Variants in MTCL1 observed in about 807,000 individuals in gnomAD.
The protein encoded by MTCL1 is microtubule cross-linking factor 1.
Under a neutral mutation model 141.4 loss-of-function variants are expected in MTCL1, and 79 were observed. That is an observed-to-expected ratio of 0.56 (90% CI 0.47 to 0.67). The LOEUF (loss-of-function observed/expected upper bound fraction) is 0.67. MTCL1 is among the 30% of genes least tolerant of loss of function. MTCL1 has a pLI of 0.00. For synonymous variants in MTCL1, 914 were observed against 875.8 expected, an observed-to-expected ratio of 1.04 and a Z score of -0.77; for missense variants, 2,177 against 2,113.9, an observed-to-expected ratio of 1.03 and a Z score of -0.59.
chr18:8,796,190 G>T, intron 8 of MTCL1, 42 bp from the exon 8 acceptor site: 1 of 1,602,458 alleles, frequency 6.2e-7, no homozygotes, highest in Non-Finnish European at 8.5e-7. Context: ...GTGGCGGATT[G>T]GATTAGCTGC....
intron 16 of MTCL1, chr18:8,831,121 G>A: frequency 2.0e-6 from 2 of 987,536 alleles, no homozygotes; most frequent in Non-Finnish European, 2.4e-6. Flanking sequence ...TAAGACGACT[G>A]CCATTGCTAA....
exon 15 of MTCL1, chr18:8,824,782 C>T (rs770930820): frequency 1.2e-6 from 2 of 1,614,156 alleles, no homozygotes; most frequent in South Asian, 1.1e-5. Context: ...CTGCCGTCCA[C>T]CAGCAGCAAG....
Position 8,771,063 on chromosome 18 carries a change from G to A in MTCL1, c.358-6770G>A, listed in dbSNP as rs186677112. 1.0e-3 allele frequency among the ~76,000 whole-genome samples: 157 copies of A among 152,310 alleles called. 2 individuals carry two copies. Among genetic ancestry groups the A allele is most frequent in the African/African-American group, 3.7e-3 (152 of 41,560 alleles). On this transcript the variant is annotated intron_variant, in intron 4 of 16. Coordinates refer to ENST00000359865, the Ensembl canonical transcript of MTCL1. ...ATCTTCCAGCCAGGACATAGTGCCC[G>A]TGGCTGAACGAGAGGCTAATTAATT...
At chr18:8,740,959 A>T (rs2096299828) in intron 4 of MTCL1, among the ~76,000 whole-genome samples, 1 of 152,234 alleles carries the variant, frequency 6.6e-6, no homozygotes. Flanking sequence ...ACACCAGATC[A>T]GATCTTTTGC....
rs1057108723 is a variant in MTCL1, at chr18:8,810,888, G to A, written c.2605-2091G>A. On this transcript the variant is annotated intron_variant, in intron 11 of 16. Transcript: ENST00000359865. This position sits in a 1 kb window ranked among gnomAD's most constrained non-coding sequence, Gnocchi z 5.0. ...CTTTCCCTGCTTTCTCTCCAAGCAG[G>A]CCTGAGTTCCACTAAGATTCAGGGA... 6.6e-6 allele frequency among the ~76,000 whole-genome samples: 1 copy of A among 151,166 alleles called. No individual in the cohort carries two copies. The highest frequency in any genetic ancestry group is 2.4e-5 in the African/African-American group (1 of 41,380).
intron 11 of MTCL1, among the ~76,000 whole-genome samples, chr18:8,807,506 C>G (rs1410598347): frequency 6.6e-6 from 1 of 152,148 alleles, no homozygotes; most frequent in Non-Finnish European, 1.5e-5. Flanking sequence ...ACTGCATGCC[C>G]AAGAATTCTA....
At chr18:8,705,606 C>CCGCCGT (rs1555621427), upstream of MTCL1, 200 of 1,198,814 alleles carry the variant, frequency 1.7e-4, 2 homozygotes, top group African/African-American at 3.0e-3. The surrounding 1 kb of genome is among the most constrained non-coding windows in gnomAD (Gnocchi z 5.2). Context: ...GCCGCCGCCG[C>CCGCCGT]CGCCGTCGTC....
At chr18:8,715,259 A>G (rs919457451), upstream of MTCL1, among the ~76,000 whole-genome samples, 2 of 152,338 alleles carry the variant, frequency 1.3e-5, no homozygotes, top group Middle Eastern at 3.4e-3. Flanking sequence ...ATTTAACATT[A>G]GGGTGGATGT....
chr18:8,824,773 T>C, exon 15 of MTCL1: 1 of 1,614,154 alleles, frequency 6.2e-7, no homozygotes, highest in Non-Finnish European at 8.5e-7. Flanking sequence ...GAGAAGGGCC[T>C]GCCGTCCACC....
At chr18:8,751,722 G>C (rs1033305735) in intron 4 of MTCL1, among the ~76,000 whole-genome samples, 2 of 152,214 alleles carry the variant, frequency 1.3e-5, no homozygotes, top group African/African-American at 4.8e-5. Flanking sequence ...GAGGTTGGCT[G>C]CTGTTGCAGA....
At chr18:8,740,855 G>A (rs745906817) in intron 4 of MTCL1, among the ~76,000 whole-genome samples, 20 of 152,198 alleles carry the variant, frequency 1.3e-4, no homozygotes, top group Non-Finnish European at 2.4e-4. Flanking sequence ...CAGGGGCTGT[G>A]TGGTATTCCT....
intron 4 of MTCL1, among the ~76,000 whole-genome samples, chr18:8,728,013 G>A (rs543477163): frequency 6.6e-6 from 1 of 152,096 alleles, no homozygotes; most frequent in Admixed American, 6.5e-5. Context: ...TAACATGCAT[G>A]TTTGAATTGA....
rs1489402765 is a variant in MTCL1, at chr18:8,779,035, G to A, written c.417+1143G>A. 6.6e-6 allele frequency among the ~76,000 whole-genome samples: 1 copy of A among 152,218 alleles called. No individual in the cohort carries two copies. The highest frequency in any genetic ancestry group is 1.5e-5 in the Non-Finnish European group (1 of 68,036). On this transcript the variant is annotated intron_variant, in intron 5 of 16. Coordinates refer to ENST00000359865, the Ensembl canonical transcript of MTCL1. The surrounding 1 kb of genome is among the most constrained non-coding windows in gnomAD (Gnocchi z 4.1). Reference sequence around the variant, plus strand: ...TTGAGGAAGGAGTTTCTGTTCAGCAGAATGGTGGAATGGAGCGCCCTGGGA... The same window carrying A: ...TTGAGGAAGGAGTTTCTGTTCAGCAAAATGGTGGAATGGAGCGCCCTGGGA...
intron 4 of MTCL1, among the ~76,000 whole-genome samples, chr18:8,762,059 G>A (rs1045676760): frequency 6.6e-6 from 1 of 152,172 alleles, no homozygotes; most frequent in African/African-American, 2.4e-5. Context: ...TACTGATCAT[G>A]TTTTGTTTAT....
chr18:8,743,626 C>T (rs1049951425), intron 4 of MTCL1, among the ~76,000 whole-genome samples: 2 of 152,244 alleles, frequency 1.3e-5, no homozygotes, highest in African/African-American at 4.8e-5. Flanking sequence ...TTTCTTGGCT[C>T]ATGCCCTCTT....
chr18:8,760,826 T>C (rs1448838074), intron 4 of MTCL1, among the ~76,000 whole-genome samples: 1 of 152,208 alleles, frequency 6.6e-6, no homozygotes, highest in Non-Finnish European at 1.5e-5. Context: ...TCAAAATTTC[T>C]CCCTCTAGTA....
intron 5 of MTCL1, among the ~76,000 whole-genome samples, chr18:8,781,179 C>CAAAAA (rs56370900): frequency 1.0e-4 from 7 of 67,382 alleles, no homozygotes; most frequent in Non-Finnish European, 1.3e-4. Flanking sequence ...GACTCCATCT[C>CAAAAA]AAAAAAAAAA....
intron 12 of MTCL1, among the ~76,000 whole-genome samples, chr18:8,816,909 C>G (rs1420814431): frequency 6.6e-6 from 1 of 152,194 alleles, no homozygotes; most frequent in African/African-American, 2.4e-5. Flanking sequence ...TCTGAGGACT[C>G]GTTCTATTAC....
chr18:8,808,759 T>G (rs191062399), intron 11 of MTCL1, among the ~76,000 whole-genome samples: 2 of 152,384 alleles, frequency 1.3e-5, no homozygotes, highest in African/African-American at 4.8e-5. Flanking sequence ...AAGTCAGACC[T>G]TGCTCTAAAT....
Sources: gnomAD v4.1 joint callset for allele counts (sites outside exome capture counted in the v4.1 genomes callset) on GRCh38, gnomAD v4.1.1 for gene constraint, Gnocchi (gnomAD v3.1) non-coding constraint, MANE v1.5 for transcripts, NCBI Gene and HGNC (gene_info 2026-07-23, HGNC 2026-07-21) for gene names.